The following BLTP1 variants were observed in gnomAD, a reference collection of about 807,000 sequenced individuals.
BLTP1 encodes fragile site-associated protein.
the BLTP1 span, among the ~76,000 whole-genome samples, chr4:122,297,382 A>G: frequency 1.3e-5 from 2 of 152,226 alleles, no homozygotes; most frequent in African/African-American, 2.4e-5. Flanking sequence ...CAGGATGGCT[A>G]TTATTAAAAA....
At chr4:122,180,644 CTAAT>C in the BLTP1 span, among the ~76,000 whole-genome samples, 6 of 152,184 alleles carry the variant, frequency 3.9e-5, no homozygotes, top group Non-Finnish European at 8.8e-5. Flanking sequence ...GAACAAACAG[CTAAT>C]TGAGACTCCT....
the BLTP1 span, chr4:122,249,660 A>C: frequency 3.7e-6 from 6 of 1,613,638 alleles, no homozygotes; most frequent in Non-Finnish European, 4.2e-6. Context: ...TTGAATGTGG[A>C]CTTGAAAATT....
chr4:122,236,170 C>A, the BLTP1 span, among the ~76,000 whole-genome samples: 1 of 152,200 alleles, frequency 6.6e-6, no homozygotes, highest in Admixed American at 6.5e-5. Context: ...GATCAGATTG[C>A]TTTCCCATGT....
the BLTP1 span, chr4:122,254,786 T>C: frequency 6.7e-7 from 1 of 1,497,894 alleles, no homozygotes; most frequent in East Asian, 2.4e-5. Flanking sequence ...TTTTATAATT[T>C]TTTATTTATG....
At chr4:122,337,912 A>G in the BLTP1 span, among the ~76,000 whole-genome samples, 1 of 150,416 alleles carries the variant, frequency 6.6e-6, no homozygotes. Flanking sequence ...AATATAGTAC[A>G]TATTTAATTA....
At chr4:122,314,045 T>C in the BLTP1 span, 12 of 962,332 alleles carry the variant, frequency 1.2e-5, no homozygotes, top group East Asian at 1.3e-3. Flanking sequence ...TTCCGGTTGC[T>C]ATTGAAATGT....
At chr4:122,359,494 C>A in the BLTP1 span, 30 of 1,548,606 alleles carry the variant, frequency 1.9e-5, no homozygotes, top group Non-Finnish European at 2.5e-5. Context: ...GAAACCAATT[C>A]TGTTCTAATT....
chr4:122,348,832 AT>A, the BLTP1 span: 1 of 687,042 alleles, frequency 1.5e-6, no homozygotes. Context: ...AAAGAAGTAG[AT>A]AAACGATATA....
the BLTP1 span, chr4:122,263,023 C>T: frequency 1.7e-4 from 264 of 1,586,692 alleles, 2 homozygotes; most frequent in East Asian, 5.8e-4. Context: ...TTTATATTTA[C>T]GGGGGAATTG....
At chr4:122,254,387 C>A in the BLTP1 span, 1 of 1,477,356 alleles carries the variant, frequency 6.8e-7, no homozygotes, top group Non-Finnish European at 9.4e-7. Flanking sequence ...CTTGATGTTT[C>A]TTTATTTTAA....
the BLTP1 span, chr4:122,257,268 C>T: frequency 6.2e-7 from 1 of 1,613,556 alleles, no homozygotes; most frequent in Non-Finnish European, 8.5e-7. Flanking sequence ...GATGGACTTC[C>T]TGCTTTGGTA....
At chr4:122,210,544 A>G in the BLTP1 span, among the ~76,000 whole-genome samples, 4 of 152,116 alleles carry the variant, frequency 2.6e-5, no homozygotes, top group South Asian at 8.3e-4. Flanking sequence ...ATATGAAAAA[A>G]TTTTGTAGTT....
chr4:122,229,317 A>G, the BLTP1 span: 1 of 1,173,980 alleles, frequency 8.5e-7, no homozygotes, highest in Non-Finnish European at 1.2e-6. Context: ...AATAAAACAC[A>G]CATTTATAGT....
chr4:122,207,412 A>G, the BLTP1 span: 5 of 1,435,532 alleles, frequency 3.5e-6, no homozygotes, highest in South Asian at 5.9e-5. Flanking sequence ...AGACTGTTTC[A>G]GAGTTTGTAT....
chr4:122,208,547 G>C, the BLTP1 span: 1 of 945,602 alleles, frequency 1.1e-6, no homozygotes, highest in Non-Finnish European at 1.3e-6. Context: ...TAAAAATATA[G>C]AACATAGTCC....
chr4:122,244,381 T>C, the BLTP1 span, among the ~76,000 whole-genome samples: 3 of 152,078 alleles, frequency 2.0e-5, no homozygotes, highest in South Asian at 6.2e-4. Flanking sequence ...GTCAACCTTC[T>C]GTATTGGTGG....
At chr4:122,276,470 T>A in the BLTP1 span, 2 of 981,778 alleles carry the variant, frequency 2.0e-6, no homozygotes, top group African/African-American at 3.5e-5. Flanking sequence ...AGTTGACTAC[T>A]CTGTTAATAG....
the BLTP1 span, among the ~76,000 whole-genome samples, chr4:122,323,941 G>A: frequency 6.6e-6 from 1 of 151,848 alleles, no homozygotes; most frequent in Non-Finnish European, 1.5e-5. Context: ...GCACCATCAC[G>A]AGTTTCTAGA....
At chr4:122,199,267 CTTT>C in the BLTP1 span, 2 of 1,513,652 alleles carry the variant, frequency 1.3e-6, no homozygotes, top group Admixed American at 2.0e-5. Flanking sequence ...AGGATTCCTT[CTTT>C]GAGTGGTGGT....
Sources: gnomAD v4.1 joint callset for allele counts (sites outside exome capture counted in the v4.1 genomes callset) on GRCh38, gnomAD v4.1.1 for gene constraint, MANE v1.5 for transcripts, NCBI Gene and HGNC (gene_info 2026-07-23, HGNC 2026-07-21) for gene names.